HEATR5B: variants seen among roughly 807,000 people sequenced by gnomAD.
HEATR5B encodes the protein HEAT repeat containing 5B, also known as HEAT repeat-containing protein 5B.
HEATR5B carries 156 observed loss-of-function variants against 224.1 expected under a neutral mutation model. The ratio of observed to expected loss-of-function variants is 0.70; its 90% CI spans 0.61 to 0.80. The LOEUF (loss-of-function observed/expected upper bound fraction) is 0.80. Ranked by LOEUF, HEATR5B falls within the 30% of genes least tolerant of loss-of-function variation. The probability of loss-of-function intolerance (pLI) is 0.00; values close to 1 mark genes in which losing one functional copy is unlikely to be tolerated. For synonymous variants in HEATR5B, 1,027 were observed against 893.0 expected, an observed-to-expected ratio of 1.15 and a Z score of -2.68; for missense variants, 2,323 against 2,535.5, an observed-to-expected ratio of 0.92 and a Z score of 1.80.
intron 18 of HEATR5B, among the ~76,000 whole-genome samples, chr2:37,042,090 A>G (rs1488022091): frequency 1.3e-5 from 2 of 152,178 alleles, no homozygotes; most frequent in Admixed American, 1.3e-4. Context: ...AAAGAGATGA[A>G]CATTACTTTA....
rs1665573333 is a variant in HEATR5B at position 36,981,439 on chromosome 2, A to G, written c.*51T>C. The G allele has an allele frequency of 2.1e-6, 3 of 1,401,932 alleles. No individual in the cohort carries two copies. In the East Asian group the frequency reaches 7.1e-5, roughly 33 times the overall value. The allele number at this position is 1,401,932 out of a possible 1,614,324, so 86.8% of individuals were successfully genotyped here. On this transcript the variant is annotated 3_prime_UTR_variant, in exon 36 of 36. Coordinates refer to ENST00000233099, the MANE Select transcript of HEATR5B (RefSeq NM_019024.3). ...AGCCTGGAATGATACAGTGGCCATCACTAATTAGGGGCTAGTTGACAACAT... is the reference window on the plus strand; with the variant it reads ...AGCCTGGAATGATACAGTGGCCATCGCTAATTAGGGGCTAGTTGACAACAT...
chr2:36,992,732 A>T (rs1202794714), intron 33 of HEATR5B, among the ~76,000 whole-genome samples: 4 of 152,154 alleles, frequency 2.6e-5, no homozygotes, highest in Non-Finnish European at 4.4e-5. Context: ...TTCATTTTTT[A>T]AAAATTATTT....
chr2:37,054,210 T>C (rs910286442), intron 16 of HEATR5B, among the ~76,000 whole-genome samples: 8 of 148,990 alleles, frequency 5.4e-5, no homozygotes, highest in Non-Finnish European at 8.9e-5. Context: ...TTTTTTTTTT[T>C]TGAGATGGAG....
chr2:37,005,853 T>C lies in HEATR5B; in HGVS notation c.4778-94A>G, dbSNP rs184353380. Reference sequence around the variant, plus strand: ...TCTTCTCTATTTATGTTTTTACAGATTACCTTAACATGTATTTATTAATAC... The same window carrying C: ...TCTTCTCTATTTATGTTTTTACAGACTACCTTAACATGTATTTATTAATAC... On this transcript the variant is annotated intron_variant, in intron 29 of 35. Coordinates refer to ENST00000233099, the MANE Select transcript of HEATR5B (RefSeq NM_019024.3). The C allele has an allele frequency of 3.9e-4, 391 of 989,896 alleles. 3 individuals carry two copies. The East Asian group carries it at 8.9e-3, about 23-fold the overall frequency. 61.3% of individuals were successfully genotyped at this position (989,896 alleles called of 1,614,324 possible).
chr2:36,992,039 A>G (rs1275570864), intron 33 of HEATR5B, among the ~76,000 whole-genome samples: 1 of 152,098 alleles, frequency 6.6e-6, no homozygotes, highest in Non-Finnish European at 1.5e-5. Context: ...TTCTACTAAA[A>G]ATACAAAAAT....
Position 37,020,753 on chromosome 2 carries a change from C to A in HEATR5B, c.3937G>T (p.Ala1313Ser). ...ATGTCTTCAAGCGCCTGGAGCCCAG[C>A]CATTCGCAGCTGGTTGCTATGATCA... Reference protein sequence around the residue: ...ATDHSNQLRMAGLQALEDIIK... With the variant: ...ATDHSNQLRMSGLQALEDIIK... Residue 1313 changes from alanine (A) to serine (S), a missense_variant, in exon 25 of 36, where the codon GCT becomes TCT. Transcript: ENST00000233099. 1 of 1,610,070 alleles carries A rather than the reference C, an allele frequency of 6.2e-7. No homozygotes were observed. Among genetic ancestry groups the A allele is most frequent in the African/African-American group, 1.3e-5 (1 of 74,740 alleles).
intron 25 of HEATR5B, 71 bp from the exon 26 acceptor site, chr2:37,019,948 G>C (rs965141007): frequency 5.5e-6 from 6 of 1,098,262 alleles, no homozygotes; most frequent in Non-Finnish European, 8.0e-6. Flanking sequence ...CTATCACCCA[G>C]GCTGGAGTGC....
intron 28 of HEATR5B, 23 bp from the exon 29 acceptor site, chr2:37,007,327 A>G (rs1046564983): frequency 3.8e-6 from 6 of 1,569,980 alleles, no homozygotes; most frequent in East Asian, 2.2e-5. Context: ...CAAATCAATT[A>G]AAAACATTAC....
rs1671049204 is a variant in HEATR5B, at chr2:37,058,435, C to G, written c.2059+16G>C. ...AAAGAAAAATTTTTATCAGATACCA[C>G]AAATTTTTAATTTACCTTCATAAGT... On this transcript the variant is annotated intron_variant, in intron 14 of 35. Transcript: ENST00000233099. 6.6e-7 allele frequency: 1 copy of G among 1,504,946 alleles called. No individual in the cohort carries two copies. The highest frequency in any genetic ancestry group is 9.2e-7 in the Non-Finnish European group (1 of 1,082,438). 93.2% of individuals were successfully genotyped at this position (1,504,946 alleles called of 1,614,324 possible). A position where few individuals can be genotyped will look rare whatever the true frequency, so the allele number is the denominator to read the frequency against.
chr2:37,029,209 G>C (rs1021989872), intron 22 of HEATR5B, among the ~76,000 whole-genome samples: 13 of 152,212 alleles, frequency 8.5e-5, no homozygotes, highest in African/African-American at 3.1e-4. Flanking sequence ...GTGTGGGACA[G>C]AGATATACTG....
At chr2:37,068,660 C>T (rs1213630147) in intron 8 of HEATR5B, 21 bp downstream of exon 8, 4 of 1,611,784 alleles carry the variant, frequency 2.5e-6, no homozygotes, top group Admixed American at 3.3e-5. Context: ...AATCAACACA[C>T]ATAATGATAC....
At chr2:37,034,812 G>T (rs1198988366) in intron 21 of HEATR5B, among the ~76,000 whole-genome samples, 1 of 151,546 alleles carries the variant, frequency 6.6e-6, no homozygotes, top group Non-Finnish European at 1.5e-5. Flanking sequence ...CCTGCCTTGG[G>T]CTCCCAAAGC....
At chr2:37,003,260 CAAAAAAAAAAAAAAAA>C (rs757178937) in intron 31 of HEATR5B, among the ~76,000 whole-genome samples, 1 of 56,874 alleles carries the variant, frequency 1.8e-5, no homozygotes, top group African/African-American at 7.4e-5. Context: ...GTCCCGCCCG[CAAAAAAAAAAAAAAAA>C]AAAAAAAAAA....
intron 27 of HEATR5B, 63 bp downstream of exon 27, chr2:37,013,778 A>G (rs1162097879): frequency 1.4e-6 from 2 of 1,392,346 alleles, no homozygotes; most frequent in African/African-American, 2.9e-5. Flanking sequence ...ACAAGAGTAG[A>G]GGAACATTTT....
At chr2:37,033,778 C>G (rs1669291230) in intron 21 of HEATR5B, among the ~76,000 whole-genome samples, 1 of 152,100 alleles carries the variant, frequency 6.6e-6, no homozygotes, top group African/African-American at 2.4e-5. Flanking sequence ...CTTGATTTGC[C>G]CACATGTAAG....
At chr2:37,010,609 G>C (rs1355058622) in intron 27 of HEATR5B, among the ~76,000 whole-genome samples, 1 of 151,766 alleles carries the variant, frequency 6.6e-6, no homozygotes, top group African/African-American at 2.4e-5. Flanking sequence ...CACCTCCCGG[G>C]TTCAAGTGAT....
At chr2:36,989,605 G>T (rs1326206050) in intron 34 of HEATR5B, among the ~76,000 whole-genome samples, 2 of 152,076 alleles carry the variant, frequency 1.3e-5, no homozygotes, top group Non-Finnish European at 2.9e-5. Context: ...ACAATGTAAG[G>T]TTTCCAGACC....
At chr2:37,016,560 T>A (rs1446404442) in intron 26 of HEATR5B, among the ~76,000 whole-genome samples, 1 of 152,198 alleles carries the variant, frequency 6.6e-6, no homozygotes, top group African/African-American at 2.4e-5. Flanking sequence ...AACACACAGA[T>A]GTATCTGCAA....
In HEATR5B at chr2:37,028,055, C is replaced by T; in HGVS notation, c.3721G>A (p.Val1241Met). The T allele has an allele frequency of 6.2e-7, 1 of 1,614,158 alleles. No homozygotes were observed. Among genetic ancestry groups the T allele is most frequent in the South Asian group, 1.1e-5 (1 of 91,084 alleles). ...ACTCGAGTGGCCCAGCGAGGGGCCA[C>T]AAAGGGCTTTGATTTATCTTCTTCA... is the stretch of plus-strand genomic sequence containing the variant. ...LGEEDKSKPF[V>M]APRWATRVFA... Residue 1241 changes from valine (V) to methionine (M), a missense_variant, in exon 24 of 36, where the codon GTG becomes ATG. This residue lies in a region of HEATR5B where 339 missense variants were observed against 378.4 expected (regional missense o/e 0.90). Coordinates refer to ENST00000233099, the MANE Select transcript of HEATR5B (RefSeq NM_019024.3).
Sources: gnomAD v4.1 joint callset for allele counts (sites outside exome capture counted in the v4.1 genomes callset) on GRCh38, gnomAD v4.1.1 for gene constraint, gnomAD v4.1.1 regional missense constraint, MANE v1.5 for transcripts, NCBI Gene and HGNC (gene_info 2026-07-23, HGNC 2026-07-21) for gene names.